JAKMIP2: variants seen among roughly 807,000 people sequenced by gnomAD.
The protein encoded by JAKMIP2 is janus kinase and microtubule interacting protein 2.
In JAKMIP2, 25 loss-of-function variants were observed where a neutral mutation model predicts 115.0. The ratio of observed to expected loss-of-function variants is 0.22; its 90% CI spans 0.16 to 0.30. JAKMIP2 has a LOEUF of 0.30. JAKMIP2 is among the 10% of genes least tolerant of loss of function. JAKMIP2 has a pLI of 1.00. For missense variants in JAKMIP2, 642 were observed against 957.6 expected (o/e 0.67, Z 4.35); for synonymous variants, 334 against 343.6 (o/e 0.97, Z 0.31).
chr5:147,615,411 G>T (rs886848036), intron 19 of JAKMIP2, among the ~76,000 whole-genome samples: 1 of 152,108 alleles, frequency 6.6e-6, no homozygotes, highest in African/African-American at 2.4e-5. Context: ...CAGCACAAGT[G>T]GGACCAGGAT....
Position 147,658,538 on chromosome 5 carries a change from G to A in JAKMIP2, c.627+2410C>T, listed in dbSNP as rs141413673. 1.8e-3 allele frequency among the ~76,000 whole-genome samples: 269 copies of A among 152,282 alleles called. 2 individuals are homozygous for A. Among genetic ancestry groups the A allele is most frequent in the East Asian group, 0.011 (57 of 5,154 alleles). On this transcript the variant is annotated intron_variant, in intron 3 of 21. Coordinates refer to ENST00000616793, the MANE Select transcript of JAKMIP2 (RefSeq NM_001270941.2). ...GTCTGTCCCTTAGCAGAGCTGGTGC[G>A]CTGTGCTGGGAGAATCTCCCTTGTC...
At chr5:147,693,159 A>T (rs1751951516) in intron 1 of JAKMIP2, among the ~76,000 whole-genome samples, 2 of 152,192 alleles carry the variant, frequency 1.3e-5, no homozygotes, top group Non-Finnish European at 2.9e-5. Flanking sequence ...ATGTTGCTTT[A>T]TGCTTAAGGA....
intron 19 of JAKMIP2, among the ~76,000 whole-genome samples, chr5:147,615,018 T>TACGTTTCTGCATAGCAC (rs1472815948): frequency 7.2e-5 from 11 of 152,308 alleles, no homozygotes; most frequent in African/African-American, 2.4e-4. Flanking sequence ...ACACATTGTA[T>TACGTTTCTGCATAGCAC]ACGTTTCTGC....
intron 1 of JAKMIP2, among the ~76,000 whole-genome samples, chr5:147,684,881 G>A (rs1760495302): frequency 6.6e-6 from 1 of 152,106 alleles, no homozygotes; most frequent in Admixed American, 6.5e-5. Context: ...GGATTATGAT[G>A]GAGGGGTAGA....
Position 147,683,383 on chromosome 5 carries a change from T to A in JAKMIP2, c.-148-11429A>T, listed in dbSNP as rs762582255. Reference sequence around the variant, plus strand: ...GGCACCTGCCTGTAATCTCAGCTATTCGGAAGGTTGAGGCACGAGAATCAC... The same window carrying A: ...GGCACCTGCCTGTAATCTCAGCTATACGGAAGGTTGAGGCACGAGAATCAC... On this transcript the variant is annotated intron_variant, in intron 1 of 21. Coordinates refer to ENST00000616793, the MANE Select transcript of JAKMIP2 (RefSeq NM_001270941.2). 2.6e-5 allele frequency among the ~76,000 whole-genome samples: 4 copies of A among 152,072 alleles called. No homozygotes were observed. The East Asian group carries it at 7.7e-4, about 29-fold the overall frequency.
chr5:147,755,537 C>T (rs982035289), intron 1 of JAKMIP2, among the ~76,000 whole-genome samples: 4 of 152,160 alleles, frequency 2.6e-5, no homozygotes, highest in Admixed American at 6.5e-5. Flanking sequence ...TAGTGATACA[C>T]GGATGTTAAA....
intron 1 of JAKMIP2, among the ~76,000 whole-genome samples, chr5:147,767,714 A>G (rs1302634708): frequency 1.3e-5 from 2 of 152,158 alleles, no homozygotes; most frequent in African/African-American, 4.8e-5. Flanking sequence ...GTGTTTTCCA[A>G]TATTTCTCAT....
Position 147,691,336 on chromosome 5 carries a change from T to C in JAKMIP2, c.-148-19382A>G, listed in dbSNP as rs116403039. On this transcript the variant is annotated intron_variant, in intron 1 of 21. Transcript: ENST00000616793. ...CGGTACACAGACTGGGGAATGCTAT[T>C]AATAGTTTCCCCCCATCCCCCACCC... 7.5e-3 allele frequency among the ~76,000 whole-genome samples: 1,148 copies of C among 152,242 alleles called. 8 individuals carry two copies. The highest frequency in any genetic ancestry group is 0.044 in the Middle Eastern group (13 of 294).
chr5:147,711,323 C>T (rs1294441014), intron 1 of JAKMIP2, among the ~76,000 whole-genome samples: 1 of 152,138 alleles, frequency 6.6e-6, no homozygotes, highest in Non-Finnish European at 1.5e-5. Flanking sequence ...TATTAATTTA[C>T]TCATTTATTA....
chr5:147,673,475 T>C (rs1759749120), intron 1 of JAKMIP2, among the ~76,000 whole-genome samples: 1 of 152,078 alleles, frequency 6.6e-6, no homozygotes, highest in African/African-American at 2.4e-5. Context: ...TGCCATCTGC[T>C]CATGAGCACT....
intron 2 of JAKMIP2, among the ~76,000 whole-genome samples, chr5:147,663,141 T>C (rs1285938936): frequency 6.6e-6 from 1 of 152,202 alleles, no homozygotes; most frequent in Non-Finnish European, 1.5e-5. Context: ...AATCTTAAGA[T>C]TGAGACTCCA....
At chr5:147,716,390 T>G (rs965649825) in intron 1 of JAKMIP2, among the ~76,000 whole-genome samples, 4 of 147,108 alleles carry the variant, frequency 2.7e-5, no homozygotes, top group Admixed American at 2.0e-4. Flanking sequence ...AAATGGTATT[T>G]CTAGTTCTAG....
At chr5:147,635,052 C>T (rs1354475278) in intron 12 of JAKMIP2, among the ~76,000 whole-genome samples, 1 of 152,128 alleles carries the variant, frequency 6.6e-6, no homozygotes, top group Non-Finnish European at 1.5e-5. Context: ...TGGCACATGC[C>T]TGTAATCCCA....
chr5:147,672,917 C>A (rs1241329570), intron 1 of JAKMIP2, among the ~76,000 whole-genome samples: 1 of 152,132 alleles, frequency 6.6e-6, no homozygotes, highest in Non-Finnish European at 1.5e-5. Context: ...GGAAAGGTTT[C>A]CTGGAAAGGA....
At chr5:147,761,760 A>G (rs940406356) in intron 1 of JAKMIP2, among the ~76,000 whole-genome samples, 1 of 152,124 alleles carries the variant, frequency 6.6e-6, no homozygotes, top group Admixed American at 6.6e-5. Context: ...TCATCACTCA[A>G]AAATGCTAAA....
At chr5:147,668,295 A>T (rs1477050325) in intron 2 of JAKMIP2, among the ~76,000 whole-genome samples, 1 of 152,028 alleles carries the variant, frequency 6.6e-6, no homozygotes, top group Non-Finnish European at 1.5e-5. Flanking sequence ...TCTCTGAGGG[A>T]GAGTAAAAAG....
chr5:147,764,991 G>GGGA (rs1755098363), intron 1 of JAKMIP2, among the ~76,000 whole-genome samples: 1 of 37,154 alleles, frequency 2.7e-5, no homozygotes. Context: ...AGAGAGAGAG[G>GGGA]GAGAGAGAGA....
intron 1 of JAKMIP2, among the ~76,000 whole-genome samples, chr5:147,753,367 A>C (rs1380614004): frequency 6.6e-6 from 1 of 152,218 alleles, no homozygotes; most frequent in Admixed American, 6.5e-5. Context: ...ACTGAGGCTT[A>C]GAGGAAAGGA....
At chr5:147,608,227 G>C (rs1486167896) in intron 20 of JAKMIP2, among the ~76,000 whole-genome samples, 1 of 151,994 alleles carries the variant, frequency 6.6e-6, no homozygotes, top group Admixed American at 6.6e-5. Context: ...TTTTGAATTT[G>C]TTTGCTCTTG....
Sources: allele counts gnomAD v4.1 joint callset (sites outside exome capture counted in the v4.1 genomes callset), GRCh38; gene constraint gnomAD v4.1.1; transcripts MANE v1.5; gene names NCBI Gene and HGNC (gene_info 2026-07-23, HGNC 2026-07-21).